Variants in PDS5B observed in about 807,000 individuals in gnomAD.
PDS5B encodes the protein sister chromatid cohesion protein PDS5 homolog B.
A neutral mutation model predicts 184.1 loss-of-function variants in PDS5B; 51 were observed. The ratio of observed to expected loss-of-function variants is 0.28; its 90% CI spans 0.22 to 0.35. The LOEUF (loss-of-function observed/expected upper bound fraction) is 0.35, where lower values mean the gene tolerates loss of function less well. Among genes scored for constraint, PDS5B ranks in the 10% least tolerant of loss-of-function variants. PDS5B has a pLI of 1.00. For synonymous variants in PDS5B, 566 were observed against 569.2 expected (o/e 0.99, Z 0.08); for missense variants, 1,180 against 1,723.3 (o/e 0.68, Z 5.58).
chr13:32,602,106 A>G (rs1012300365), intron 1 of PDS5B, among the ~76,000 whole-genome samples: 2 of 151,884 alleles, frequency 1.3e-5, no homozygotes, highest in African/African-American at 4.8e-5. Flanking sequence ...TTTTTTTAAA[A>G]TTATACTTTA....
intron 3 of PDS5B, among the ~76,000 whole-genome samples, chr13:32,655,105 C>G (rs1241444052): frequency 3.3e-5 from 5 of 151,778 alleles, no homozygotes; most frequent in African/African-American, 1.2e-4. Flanking sequence ...AATTGCCAAA[C>G]TGTTTTCCAC....
At chr13:32,750,918 C>T (rs1953960338) in intron 24 of PDS5B, among the ~76,000 whole-genome samples, 1 of 148,578 alleles carries the variant, frequency 6.7e-6, no homozygotes, top group Non-Finnish European at 1.5e-5. Flanking sequence ...GGTACATGTA[C>T]AGGTTTGTTA....
At chr13:32,645,825 C>T (rs1403285053) in intron 1 of PDS5B, among the ~76,000 whole-genome samples, 1 of 152,196 alleles carries the variant, frequency 6.6e-6, no homozygotes, top group Non-Finnish European at 1.5e-5. Flanking sequence ...TTAGAAGTAT[C>T]TTTTCACCCC....
chr13:32,672,024 CTAGT>C (rs952859517), intron 7 of PDS5B, among the ~76,000 whole-genome samples: 2 of 152,092 alleles, frequency 1.3e-5, no homozygotes, highest in African/African-American at 2.4e-5. Flanking sequence ...AGTGTGGAAA[CTAGT>C]TAGAGCTAGC....
At chr13:32,674,542 A>T (rs1951017753) in intron 8 of PDS5B, among the ~76,000 whole-genome samples, 1 of 151,914 alleles carries the variant, frequency 6.6e-6, no homozygotes, top group African/African-American at 2.4e-5. Context: ...ATATTGAGTA[A>T]ATGCTATGCA....
intron 19 of PDS5B, among the ~76,000 whole-genome samples, chr13:32,730,585 A>G (rs1362374318): frequency 1.3e-5 from 2 of 152,158 alleles, no homozygotes; most frequent in East Asian, 3.8e-4. Flanking sequence ...TGAGCATGGA[A>G]TGTTTTTCCA....
At chr13:32,685,162 C>T (rs1366492904) in intron 11 of PDS5B, among the ~76,000 whole-genome samples, 2 of 152,150 alleles carry the variant, frequency 1.3e-5, no homozygotes, top group Non-Finnish European at 2.9e-5. Flanking sequence ...TTGTTTAATA[C>T]TCTCGTTGAT....
chr13:32,640,180 C>G (rs1355186816), intron 1 of PDS5B, among the ~76,000 whole-genome samples: 1 of 152,122 alleles, frequency 6.6e-6, no homozygotes, highest in East Asian at 1.9e-4. Flanking sequence ...TTAAAAGATT[C>G]TCATATATTT....
intron 21 of PDS5B, among the ~76,000 whole-genome samples, chr13:32,739,813 A>G (rs557600678): frequency 1.3e-5 from 2 of 152,150 alleles, no homozygotes; most frequent in Admixed American, 6.5e-5. Context: ...TTAAGTCCAT[A>G]TCCTCTTCAG....
At chr13:32,595,973 T>G (rs2057859742) in intron 1 of PDS5B, among the ~76,000 whole-genome samples, 1 of 152,286 alleles carries the variant, frequency 6.6e-6, no homozygotes, top group African/African-American at 2.4e-5. Flanking sequence ...TGTGTAATAA[T>G]GTATATATAC....
At chr13:32,722,064 A>G (rs1952732770) in intron 19 of PDS5B, among the ~76,000 whole-genome samples, 1 of 152,232 alleles carries the variant, frequency 6.6e-6, no homozygotes, top group African/African-American at 2.4e-5. Context: ...CAGCCTGGGC[A>G]ACATTGAGCA....
intron 1 of PDS5B, among the ~76,000 whole-genome samples, chr13:32,636,064 C>T (rs559751809): frequency 3.9e-4 from 60 of 152,176 alleles, no homozygotes; most frequent in African/African-American, 9.4e-4. Context: ...CCACCGCTCC[C>T]GGCCTAGTAT....
At chr13:32,710,289 G>T (rs966071547) in intron 19 of PDS5B, among the ~76,000 whole-genome samples, 183 bp downstream of exon 19, 3 of 152,196 alleles carry the variant, frequency 2.0e-5, no homozygotes, top group Non-Finnish European at 2.9e-5. Context: ...TTTAGAAGAT[G>T]CATGAGTGTG....
chr13:32,646,804 T>C (rs950691766), intron 1 of PDS5B, among the ~76,000 whole-genome samples: 2 of 152,160 alleles, frequency 1.3e-5, no homozygotes, highest in Non-Finnish European at 2.9e-5. Flanking sequence ...TACTTACACC[T>C]CTTAGTTTTC....
At chr13:32,764,039 C>A (rs755057277) in intron 30 of PDS5B, among the ~76,000 whole-genome samples, 3 of 133,424 alleles carry the variant, frequency 2.2e-5, no homozygotes, top group East Asian at 2.1e-4. Flanking sequence ...TTGATTGACA[C>A]AAGATTCATG....
At chr13:32,599,136 T>G (rs1326314185) in intron 1 of PDS5B, among the ~76,000 whole-genome samples, 1 of 152,218 alleles carries the variant, frequency 6.6e-6, no homozygotes, top group East Asian at 1.9e-4. Context: ...ATTGTTTCTT[T>G]AACTTTCAAC....
intron 26 of PDS5B, among the ~76,000 whole-genome samples, chr13:32,757,712 C>CTT (rs1954235174): frequency 6.6e-6 from 1 of 152,136 alleles, no homozygotes; most frequent in African/African-American, 2.4e-5. Flanking sequence ...TGTAGTCAGT[C>CTT]TTGAGTATCT....
chr13:32,747,735 A>G (rs1388384813), intron 24 of PDS5B, among the ~76,000 whole-genome samples: 1 of 152,230 alleles, frequency 6.6e-6, no homozygotes, highest in East Asian at 1.9e-4. Flanking sequence ...ATATGTAATT[A>G]TTTTATTAAA....
At chr13:32,672,454 G>A (rs181294370) in intron 7 of PDS5B, among the ~76,000 whole-genome samples, 53 of 152,260 alleles carry the variant, frequency 3.5e-4, no homozygotes, top group Admixed American at 1.6e-3. Context: ...AGAGACACAT[G>A]TATATGTATG....
Sources: allele counts gnomAD v4.1 joint callset (sites outside exome capture counted in the v4.1 genomes callset), GRCh38; gene constraint gnomAD v4.1.1; transcripts MANE v1.5; gene names NCBI Gene and HGNC (gene_info 2026-07-23, HGNC 2026-07-21).